SV2C: variants seen among roughly 807,000 people sequenced by gnomAD.
SV2C encodes synaptic vesicle glycoprotein 2C.
Under a neutral mutation model 79.7 loss-of-function variants are expected in SV2C, and 49 were observed. The observed-to-expected ratio is 0.61, with a 90% CI of 0.49 to 0.78. The LOEUF (loss-of-function observed/expected upper bound fraction) is 0.78. Ranked by LOEUF, SV2C falls within the 30% of genes least tolerant of loss-of-function variation. The pLI, the probability that SV2C is intolerant of heterozygous loss-of-function variation, is 0.00. For synonymous variants in SV2C, 334 were observed against 333.2 expected (o/e 1.00, Z -0.03); for missense variants, 833 against 912.9 (o/e 0.91, Z 1.13).
the SV2C span, chr5:75,920,941 G>A: frequency 1.4e-6 from 1 of 727,500 alleles, no homozygotes; most frequent in African/African-American, 1.7e-5. Flanking sequence ...CAAAGCTCTT[G>A]GTGATGATGG....
chr5:76,139,455 G>A (rs1749180040), intron 2 of SV2C, among the ~76,000 whole-genome samples: 1 of 152,204 alleles, frequency 6.6e-6, no homozygotes, highest in South Asian at 2.1e-4. Flanking sequence ...AAGATTGCCA[G>A]TTTTCTTGGG....
the SV2C span, among the ~76,000 whole-genome samples, chr5:76,007,679 A>C: frequency 6.6e-6 from 1 of 152,184 alleles, no homozygotes; most frequent in Non-Finnish European, 1.5e-5. Context: ...AGCAACTACT[A>C]TGTTGAAGAC....
intron 4 of SV2C, chr5:76,280,895 G>A (rs1049967567): frequency 2.0e-6 from 1 of 493,766 alleles, no homozygotes; most frequent in Non-Finnish European, 4.0e-6. Flanking sequence ...CAGCCGACAA[G>A]TGAGGGTCTG....
the SV2C span, among the ~76,000 whole-genome samples, chr5:75,936,964 C>T: frequency 2.0e-5 from 3 of 152,152 alleles, no homozygotes; most frequent in Non-Finnish European, 4.4e-5. Flanking sequence ...CTGTGTAAAA[C>T]CATCTTAATA....
At chr5:76,308,154 C>A (rs1185587236) in intron 12 of SV2C, among the ~76,000 whole-genome samples, 2 of 152,100 alleles carry the variant, frequency 1.3e-5, no homozygotes, top group Non-Finnish European at 2.9e-5. Context: ...AAGCCTTTTG[C>A]TTGAATTGGC....
the SV2C span, among the ~76,000 whole-genome samples, chr5:76,003,214 C>A: frequency 6.6e-6 from 1 of 152,226 alleles, no homozygotes; most frequent in South Asian, 2.1e-4. Flanking sequence ...GTCAATGAAA[C>A]CTTAAACCTC....
chr5:76,183,030 ATTTT>A (rs759427459), intron 2 of SV2C, among the ~76,000 whole-genome samples: 2 of 102,070 alleles, frequency 2.0e-5, no homozygotes. Context: ...AGAACCTACC[ATTTT>A]TTTTTTTTTT....
chr5:76,189,956 A>G (rs1744043374), intron 2 of SV2C, among the ~76,000 whole-genome samples: 1 of 152,196 alleles, frequency 6.6e-6, no homozygotes, highest in Non-Finnish European at 1.5e-5. Context: ...ATTGGTGTTA[A>G]ATTAAATGCA....
At chr5:76,012,910 G>A in the SV2C span, among the ~76,000 whole-genome samples, 2 of 152,152 alleles carry the variant, frequency 1.3e-5, no homozygotes, top group Non-Finnish European at 2.9e-5. Flanking sequence ...AGATCAGATG[G>A]TTGTAGATGT....
chr5:75,924,820 G>C, the SV2C span, among the ~76,000 whole-genome samples: 1 of 151,634 alleles, frequency 6.6e-6, no homozygotes, highest in Non-Finnish European at 1.5e-5. Flanking sequence ...AGGAAAAATC[G>C]AACAGACTAT....
At chr5:76,318,577 C>T (rs936883267) in intron 12 of SV2C, among the ~76,000 whole-genome samples, 1 of 152,196 alleles carries the variant, frequency 6.6e-6, no homozygotes, top group Admixed American at 6.5e-5. Flanking sequence ...GCTCCATATA[C>T]CAGCACATGT....
At chr5:76,056,672 C>T in the SV2C span, among the ~76,000 whole-genome samples, 1 of 122,028 alleles carries the variant, frequency 8.2e-6, no homozygotes, top group Non-Finnish European at 1.6e-5. Context: ...TTAATTACTA[C>T]CTCAATTTCA....
At chr5:75,958,806 G>A in the SV2C span, among the ~76,000 whole-genome samples, 33 of 151,964 alleles carry the variant, frequency 2.2e-4, no homozygotes, top group African/African-American at 7.0e-4. Flanking sequence ...ATGTGGAGGC[G>A]GATTCATAGC....
At chr5:76,292,644 C>A (rs1261617357) in intron 8 of SV2C, among the ~76,000 whole-genome samples, 1 of 152,088 alleles carries the variant, frequency 6.6e-6, no homozygotes, top group Admixed American at 6.6e-5. Flanking sequence ...TATCAAGACC[C>A]CATTTCTAAA....
At chr5:76,287,185 A>G (rs1747386004) in intron 6 of SV2C, among the ~76,000 whole-genome samples, 1 of 152,210 alleles carries the variant, frequency 6.6e-6, no homozygotes, top group Non-Finnish European at 1.5e-5. Flanking sequence ...ATATTGAACA[A>G]TATAATGGAC....
intron 2 of SV2C, among the ~76,000 whole-genome samples, chr5:76,147,354 C>T (rs74358506): frequency 0.021 from 3,157 of 152,276 alleles, 42 homozygotes; most frequent in Middle Eastern, 0.034. Flanking sequence ...ACTGGCAGTA[C>T]ATCCTGTGTG....
the SV2C span, chr5:75,921,641 C>T: frequency 2.4e-6 from 2 of 818,144 alleles, no homozygotes; most frequent in Non-Finnish European, 4.1e-6. Context: ...TTTCCTGTCC[C>T]ACTGGCCAAT....
At chr5:75,930,112 C>T in the SV2C span, among the ~76,000 whole-genome samples, 7 of 152,138 alleles carry the variant, frequency 4.6e-5, no homozygotes, top group Non-Finnish European at 1.0e-4. Context: ...CCTCCAGTCC[C>T]TACTATTTTT....
chr5:75,848,783 A>T, the SV2C span, among the ~76,000 whole-genome samples: 3 of 152,182 alleles, frequency 2.0e-5, no homozygotes, highest in Admixed American at 2.0e-4. Context: ...GTCTGGTGAT[A>T]GGATCAAGAA....
Sources: gnomAD v4.1 joint callset for allele counts (sites outside exome capture counted in the v4.1 genomes callset) on GRCh38, gnomAD v4.1.1 for gene constraint, MANE v1.5 for transcripts, NCBI Gene and HGNC (gene_info 2026-07-23, HGNC 2026-07-21) for gene names.